MBD5: variants seen among roughly 807,000 people sequenced by gnomAD.
MBD5 encodes the protein methyl-CpG-binding domain protein 5.
MBD5 carries 13 observed loss-of-function variants against 117.3 expected under a neutral mutation model. The ratio of observed to expected loss-of-function variants is 0.11; its 90% CI spans 0.07 to 0.18. The LOEUF (loss-of-function observed/expected upper bound fraction) is 0.18. Ranked by LOEUF, MBD5 falls within the 10% of genes least tolerant of loss-of-function variation. The pLI, the probability that MBD5 is intolerant of heterozygous loss-of-function variation, is 1.00. For synonymous variants in MBD5, 727 were observed against 766.4 expected (o/e 0.95, Z 0.85); for missense variants, 1,879 against 2,093.8 (o/e 0.90, Z 2.00).
intron 4 of MBD5, among the ~76,000 whole-genome samples, chr2:148,402,333 T>G (rs998207568): frequency 1.3e-5 from 2 of 152,158 alleles, no homozygotes; most frequent in African/African-American, 4.8e-5. Context: ...TTACGTGAAA[T>G]TCTTCAATAA....
At chr2:148,461,845 C>A (rs1362794778) in intron 5 of MBD5, among the ~76,000 whole-genome samples, 1 of 152,108 alleles carries the variant, frequency 6.6e-6, no homozygotes, top group Non-Finnish European at 1.5e-5. Flanking sequence ...TCTGAAACTT[C>A]GTAACATTGA....
At chr2:148,449,452 C>T (rs1389079506) in intron 4 of MBD5, among the ~76,000 whole-genome samples, 1 of 151,904 alleles carries the variant, frequency 6.6e-6, no homozygotes, top group South Asian at 2.1e-4. Context: ...CAAGGGGAAC[C>T]TAATTTAAAG....
At chr2:148,380,130 G>A (rs752363297) in intron 4 of MBD5, among the ~76,000 whole-genome samples, 1 of 152,084 alleles carries the variant, frequency 6.6e-6, no homozygotes, top group Non-Finnish European at 1.5e-5. Context: ...ACTAGAGATA[G>A]GGAAGGTCAC....
rs551482677 is a variant in MBD5 at position 148,488,587 on chromosome 2, T to C, written c.3754-799T>C. The stretch of plus-strand genomic sequence containing the variant: ...AGGATGTAAAGAAAGAGAGAGATCA[T>C]TGTGGAAAAAAATCTGAAAGTTCAA... On this transcript the variant is annotated intron_variant, in intron 10 of 13. Coordinates refer to ENST00000642680, the MANE Select transcript of MBD5 (RefSeq NM_001378120.1). Among the ~76,000 whole-genome samples, 172 of 145,144 alleles carry C rather than the reference T, an allele frequency of 1.2e-3. 1 individual carries two copies. The highest frequency in any genetic ancestry group is 1.5e-3 in the Non-Finnish European group (101 of 67,088).
intron 3 of MBD5, among the ~76,000 whole-genome samples, chr2:148,307,694 A>T (rs1179985354): frequency 6.6e-6 from 1 of 152,072 alleles, no homozygotes; most frequent in Non-Finnish European, 1.5e-5. Context: ...CAGAACGTAC[A>T]GGTTTATTAT....
chr2:148,258,871 T>G (rs1700662383), intron 3 of MBD5, among the ~76,000 whole-genome samples: 1 of 152,286 alleles, frequency 6.6e-6, no homozygotes, highest in African/African-American at 2.4e-5. Context: ...CGCAGACCCC[T>G]TGGTCCTGCC....
intron 3 of MBD5, among the ~76,000 whole-genome samples, chr2:148,285,086 C>G (rs1701339764): frequency 6.6e-6 from 1 of 152,156 alleles, no homozygotes; most frequent in South Asian, 2.1e-4. Flanking sequence ...GTTGCTTAAG[C>G]CACAAATCTG....
chr2:148,512,142 G>A (rs1046402943), intron 13 of MBD5: 1 of 154,150 alleles, frequency 6.5e-6, no homozygotes, highest in African/African-American at 2.4e-5. Context: ...ATAGCTACAA[G>A]ACAATTTGAT....
At chr2:148,370,305 T>C (rs114986531) in intron 4 of MBD5, among the ~76,000 whole-genome samples, 1 of 152,272 alleles carries the variant, frequency 6.6e-6, no homozygotes, top group Non-Finnish European at 1.5e-5. Context: ...ATTTTCTTAC[T>C]TTAATATAAA....
chr2:148,407,314 T>G (rs1050097956), intron 4 of MBD5, among the ~76,000 whole-genome samples: 1 of 151,900 alleles, frequency 6.6e-6, no homozygotes, highest in Non-Finnish European at 1.5e-5. Context: ...GACTTGATAA[T>G]GTGGAATTTC....
chr2:148,167,791 T>C (rs1698164362), intron 1 of MBD5, among the ~76,000 whole-genome samples: 1 of 152,184 alleles, frequency 6.6e-6, no homozygotes, highest in African/African-American at 2.4e-5. Context: ...ATTTTTTTTT[T>C]GAGCCAAATC....
chr2:148,483,882 A>T lies in MBD5; in HGVS notation c.3291A>T (p.Ala1097=). 1 of 1,550,580 alleles carries T rather than the reference A, an allele frequency of 6.4e-7. No homozygotes were observed. Residue 1097 remains alanine, a synonymous_variant, in exon 9 of 14, where the codon GCA becomes GCT. Transcript: ENST00000642680. The part of the protein sequence containing the change: ...PQLLGGVLNS[A]SANTANHPEV... ...TGTTGGGAGGTGTCCTGAACTCGGC[A>T]TCGGCCAACACCGCTAATCATCCAG...
intron 11 of MBD5, among the ~76,000 whole-genome samples, chr2:148,499,559 C>T (rs778364375): frequency 1.3e-5 from 2 of 152,052 alleles, no homozygotes; most frequent in East Asian, 1.9e-4. Flanking sequence ...GGCTTGTGAT[C>T]GTACAAGAAT....
intron 1 of MBD5, among the ~76,000 whole-genome samples, chr2:148,165,010 T>C (rs1574085687): frequency 6.6e-6 from 1 of 152,228 alleles, no homozygotes; most frequent in South Asian, 2.1e-4. Context: ...TATTGTTTAC[T>C]TGTTTTCCAA....
At chr2:148,065,134 C>G (rs1440278388) in intron 1 of MBD5, among the ~76,000 whole-genome samples, 1 of 152,030 alleles carries the variant, frequency 6.6e-6, no homozygotes, top group Non-Finnish European at 1.5e-5. Context: ...TGATAGCTGC[C>G]GACTTTATCC....
chr2:148,429,683 C>T (rs913032826), intron 4 of MBD5, among the ~76,000 whole-genome samples: 3 of 152,136 alleles, frequency 2.0e-5, no homozygotes, highest in Non-Finnish European at 4.4e-5. Flanking sequence ...AAGATGAGTT[C>T]ATGTCCTTTG....
chr2:148,491,967 T>TA (rs1289798429), intron 11 of MBD5, among the ~76,000 whole-genome samples: 2 of 150,598 alleles, frequency 1.3e-5, no homozygotes, highest in East Asian at 1.9e-4. Context: ...AAAGCTTAAC[T>TA]AAAAAAAAAG....
At chr2:148,417,544 A>G (rs1442580687) in intron 4 of MBD5, among the ~76,000 whole-genome samples, 2 of 152,070 alleles carry the variant, frequency 1.3e-5, no homozygotes, top group Non-Finnish European at 1.5e-5. Context: ...GCTGTTTTCC[A>G]CAGAGTTTGT....
intron 3 of MBD5, among the ~76,000 whole-genome samples, chr2:148,331,329 T>C (rs1702645452): frequency 6.6e-6 from 1 of 152,102 alleles, no homozygotes; most frequent in African/African-American, 2.4e-5. Context: ...TGCTCTAAGC[T>C]TCCTACCATC....
Sources: allele counts gnomAD v4.1 joint callset (sites outside exome capture counted in the v4.1 genomes callset), GRCh38; gene constraint gnomAD v4.1.1; transcripts MANE v1.5; gene names NCBI Gene and HGNC (gene_info 2026-07-23, HGNC 2026-07-21).